The following EYA4 variants were observed in gnomAD, a reference collection of about 807,000 sequenced individuals.
EYA4 encodes EYA transcriptional coactivator and phosphatase 4.
Under a neutral mutation model 87.9 loss-of-function variants are expected in EYA4, and 31 were observed. The observed-to-expected ratio is 0.35, with a 90% CI of 0.27 to 0.48. EYA4 has a LOEUF of 0.48. EYA4 is among the 20% of genes least tolerant of loss of function. The probability of loss-of-function intolerance (pLI) is 0.99; values close to 1 mark genes in which losing one functional copy is unlikely to be tolerated. For missense variants in EYA4, 678 were observed against 761.4 expected (o/e 0.89, Z 1.29); for synonymous variants, 263 against 270.6 (o/e 0.97, Z 0.28).
rs139260007 is a variant in EYA4, at chr6:133,402,195, T to C, written c.83+19754T>C. Among the ~76,000 whole-genome samples, 456 of 151,908 alleles carry C rather than the reference T, an allele frequency of 3.0e-3. 4 individuals are homozygous for C. The highest frequency in any genetic ancestry group is 0.01 in the African/African-American group (434 of 41,450). On this transcript the variant is annotated intron_variant, in intron 3 of 19. Coordinates refer to ENST00000355286, the MANE Select transcript of EYA4 (RefSeq NM_004100.5). Reference sequence around the variant, plus strand: ...CACATACACACACACATACCCCTTCTTTACACCATTGTAGAATTGTAAAAT... The same window carrying C: ...CACATACACACACACATACCCCTTCCTTACACCATTGTAGAATTGTAAAAT...
At chr6:133,390,501 C>T (rs577605228) in intron 3 of EYA4, among the ~76,000 whole-genome samples, 3 of 152,284 alleles carry the variant, frequency 2.0e-5, no homozygotes, top group Admixed American at 6.5e-5. Context: ...GGATTACAGG[C>T]GTGAGCCACT....
chr6:133,452,500 A>G (rs919131590), intron 5 of EYA4, among the ~76,000 whole-genome samples: 5 of 152,160 alleles, frequency 3.3e-5, no homozygotes, highest in African/African-American at 1.2e-4. Flanking sequence ...ACTTCTAAAG[A>G]CAATTTAAGG....
At chr6:133,496,219 A>C (rs1187847678) in intron 13 of EYA4, among the ~76,000 whole-genome samples, 1 of 152,222 alleles carries the variant, frequency 6.6e-6, no homozygotes, top group African/African-American at 2.4e-5. Context: ...TTGTAGTGTT[A>C]AGATTGTCTA....
chr6:133,285,520 A>G (rs1582847886), intron 2 of EYA4, among the ~76,000 whole-genome samples: 2 of 152,318 alleles, frequency 1.3e-5, no homozygotes, highest in East Asian at 3.9e-4. Context: ...GGAGGAATAC[A>G]TATTGTGTAG....
At chr6:133,318,793 G>A (rs182112942) in intron 2 of EYA4, among the ~76,000 whole-genome samples, 124 of 152,202 alleles carry the variant, frequency 8.1e-4, no homozygotes, top group African/African-American at 2.6e-3. Flanking sequence ...GTATGTAAGT[G>A]TGTTCCTAAT....
At chr6:133,326,723 G>T (rs781733112) in intron 2 of EYA4, among the ~76,000 whole-genome samples, 3 of 152,188 alleles carry the variant, frequency 2.0e-5, no homozygotes, top group Non-Finnish European at 4.4e-5. Context: ...TTGTTCCCCA[G>T]AGTCCTGGAT....
rs539742272 is a variant in EYA4 at position 133,445,656 on chromosome 6, G to A, written c.84-974G>A. The stretch of plus-strand genomic sequence containing the variant: ...TGCAGTGGCGCAATCTCCACTCACT[G>A]CAAGCTCCGCATCCCAGGTTCACAC... On this transcript the variant is annotated intron_variant, in intron 3 of 19. Coordinates refer to ENST00000355286, the MANE Select transcript of EYA4 (RefSeq NM_004100.5). 1.0e-4 allele frequency among the ~76,000 whole-genome samples: 15 copies of A among 150,668 alleles called. No individual in the cohort carries two copies. The South Asian group carries it at 2.9e-3, about 29-fold the overall frequency.
intron 14 of EYA4, among the ~76,000 whole-genome samples, chr6:133,511,981 A>T (rs1012435603): frequency 2.1e-5 from 3 of 145,926 alleles, no homozygotes; most frequent in Admixed American, 6.8e-5. Context: ...ATTCCATATA[A>T]AAAAAAAAAA....
At chr6:133,249,918 A>G (rs1582741521) in intron 1 of EYA4, among the ~76,000 whole-genome samples, 1 of 152,224 alleles carries the variant, frequency 6.6e-6, no homozygotes, top group Admixed American at 6.5e-5. Flanking sequence ...TACTGGAAGG[A>G]TTAGCTGTAT....
intron 16 of EYA4, 89 bp from the exon 17 acceptor site, chr6:133,515,232 T>C: frequency 1.3e-6 from 1 of 773,840 alleles, no homozygotes; most frequent in Admixed American, 1.7e-5. Flanking sequence ...GAAATAAAAA[T>C]GATCTATTCC....
intron 13 of EYA4, among the ~76,000 whole-genome samples, chr6:133,496,864 A>ATGTT (rs1341201212): frequency 6.6e-6 from 1 of 152,192 alleles, no homozygotes; most frequent in African/African-American, 2.4e-5. Context: ...TGCAAGGTCA[A>ATGTT]TGTTTACTCC....
chr6:133,474,121 T>C (rs1243564351), intron 11 of EYA4, among the ~76,000 whole-genome samples: 1 of 152,006 alleles, frequency 6.6e-6, no homozygotes, highest in South Asian at 2.1e-4. Flanking sequence ...ACCACAGAAG[T>C]ATTTAATTAT....
At chr6:133,264,404 C>A (rs1776040062) in intron 1 of EYA4, among the ~76,000 whole-genome samples, 1 of 152,218 alleles carries the variant, frequency 6.6e-6, no homozygotes, top group African/African-American at 2.4e-5. Context: ...TATTTCGGAA[C>A]CATCACTCTG....
chr6:133,392,509 T>C (rs1787389175), intron 3 of EYA4, among the ~76,000 whole-genome samples: 1 of 152,144 alleles, frequency 6.6e-6, no homozygotes. Flanking sequence ...GTGACTCAGG[T>C]GCTTGGAGGC....
chr6:133,265,482 A>T (rs7748844), intron 1 of EYA4, among the ~76,000 whole-genome samples: 4 of 152,096 alleles, frequency 2.6e-5, no homozygotes, highest in Non-Finnish European at 4.4e-5. Flanking sequence ...CTTGATTTGG[A>T]GAATGTTCTC....
At chr6:133,309,555 T>G (rs1249895222) in intron 2 of EYA4, among the ~76,000 whole-genome samples, 1 of 152,248 alleles carries the variant, frequency 6.6e-6, no homozygotes, top group Non-Finnish European at 1.5e-5. Flanking sequence ...AAGGCAGTAC[T>G]ATTCCAAAAT....
intron 13 of EYA4, among the ~76,000 whole-genome samples, chr6:133,484,927 C>A (rs1796558096): frequency 1.3e-5 from 2 of 152,158 alleles, no homozygotes; most frequent in African/African-American, 4.8e-5. Flanking sequence ...ACATCTTTAT[C>A]CTTTTGTGGT....
chr6:133,529,531 C>CA lies in EYA4; in HGVS notation c.*737dup, dbSNP rs749389761. The CA allele has an allele frequency of 0.046, 30,861 of 664,508 alleles. 5 individuals carry two copies. The highest frequency in any genetic ancestry group is 0.052 in the Non-Finnish European group (28,242 of 542,588). The allele number at this position is 664,508 out of a possible 1,614,324, so 41.2% of individuals were successfully genotyped here. Reference sequence around the variant, plus strand: ...AATCTCTGTAGATAATGAAAAAAAACAAAAAAAAAAACCTTTGTGATGATT... The same window carrying CA: ...AATCTCTGTAGATAATGAAAAAAAACAAAAAAAAAAAACCTTTGTGATGATT... On this transcript the variant is annotated 3_prime_UTR_variant, in exon 20 of 20. Coordinates refer to ENST00000355286, the MANE Select transcript of EYA4 (RefSeq NM_004100.5).
At chr6:133,480,882 A>G (rs1244943030) in intron 11 of EYA4, among the ~76,000 whole-genome samples, 1 of 152,130 alleles carries the variant, frequency 6.6e-6, no homozygotes, top group Admixed American at 6.6e-5. Context: ...ATCTAGATGG[A>G]AATTCCAGGT....
Sources: allele counts gnomAD v4.1 joint callset (sites outside exome capture counted in the v4.1 genomes callset), GRCh38; gene constraint gnomAD v4.1.1; transcripts MANE v1.5; gene names NCBI Gene and HGNC (gene_info 2026-07-23, HGNC 2026-07-21).